The following CFAP299 variants were observed in gnomAD, a reference collection of about 807,000 sequenced individuals.
The protein encoded by CFAP299 is cilia- and flagella-associated protein 299.
In CFAP299, 21 loss-of-function variants were observed where a neutral mutation model predicts 27.0. The ratio of observed to expected loss-of-function variants is 0.78; its 90% confidence interval spans 0.55 to 1.12. The LOEUF is 1.12. CFAP299 is among the 50% of genes most tolerant of loss of function. The probability of loss-of-function intolerance (pLI) is 0.00; values close to 1 mark genes in which losing one functional copy is unlikely to be tolerated. For synonymous variants in CFAP299, 104 were observed against 98.1 expected (o/e 1.06, Z -0.36); for missense variants, 310 against 276.6 (o/e 1.12, Z -0.86).
chr4:80,593,029 G>A (rs1395769333), intron 3 of CFAP299, among the ~76,000 whole-genome samples: 1 of 152,122 alleles, frequency 6.6e-6, no homozygotes, highest in Non-Finnish European at 1.5e-5. Flanking sequence ...AGCTAAAAAC[G>A]GAACACAAGT....
chr4:80,515,753 A>G (rs1732552870), intron 2 of CFAP299, among the ~76,000 whole-genome samples: 1 of 152,176 alleles, frequency 6.6e-6, no homozygotes, highest in Non-Finnish European at 1.5e-5. Flanking sequence ...CTTAATGTAA[A>G]CCACTTATTT....
At chr4:80,578,966 C>G (rs1391910894) in intron 2 of CFAP299, among the ~76,000 whole-genome samples, 1 of 152,130 alleles carries the variant, frequency 6.6e-6, no homozygotes, top group Non-Finnish European at 1.5e-5. Flanking sequence ...ACAAGAGCAT[C>G]TTTTTCCAGA....
intron 3 of CFAP299, among the ~76,000 whole-genome samples, chr4:80,720,580 G>C (rs543892280): frequency 8.7e-4 from 132 of 151,940 alleles, no homozygotes; most frequent in African/African-American, 2.9e-3. Flanking sequence ...TTTATTAAAA[G>C]CAATTTTAAA....
At chr4:80,712,283 C>T (rs1301985704) in intron 3 of CFAP299, among the ~76,000 whole-genome samples, 1 of 152,110 alleles carries the variant, frequency 6.6e-6, no homozygotes, top group Non-Finnish European at 1.5e-5. Flanking sequence ...ACAATTGTAG[C>T]ATACTGAGAA....
In CFAP299 at chr4:80,361,507, G is replaced by T. The variant is rs111945192; in HGVS notation, c.112-1247G>T. Among the ~76,000 whole-genome samples the T allele has an allele frequency of 6.0e-3, 912 of 152,206 alleles. 8 individuals carry two copies. The highest frequency in any genetic ancestry group is 0.024 in the Middle Eastern group (7 of 294). On this transcript the variant is annotated intron_variant, in intron 1 of 5. Transcript: ENST00000358105. ...TTTCTATTAAAGATTAATTCCACTA[G>T]GTGGAGATATTTGCTCAGTTTTGTG... is the stretch of plus-strand genomic sequence containing the variant.
intron 3 of CFAP299, among the ~76,000 whole-genome samples, chr4:80,798,955 A>G (rs1440019820): frequency 1.3e-5 from 2 of 151,010 alleles, no homozygotes; most frequent in Non-Finnish European, 2.9e-5. Flanking sequence ...GGGTCTAATC[A>G]TATTAAGTAG....
At chr4:80,534,316 G>GAAA (rs769690513) in intron 2 of CFAP299, among the ~76,000 whole-genome samples, 1 of 109,266 alleles carries the variant, frequency 9.2e-6, no homozygotes. Context: ...TCACTCTGTG[G>GAAA]AAAAAAAAAA....
intron 1 of CFAP299, among the ~76,000 whole-genome samples, chr4:80,354,622 G>T (rs1206066108): frequency 2.0e-5 from 3 of 151,980 alleles, no homozygotes; most frequent in South Asian, 2.1e-4. Flanking sequence ...CTTCACCCAG[G>T]TATTAAACCT....
intron 3 of CFAP299, among the ~76,000 whole-genome samples, chr4:80,853,361 A>C (rs1731638201): frequency 6.6e-6 from 1 of 152,196 alleles, no homozygotes; most frequent in East Asian, 1.9e-4. Context: ...AGTAAAGCAT[A>C]AAGAAATAAG....
intron 2 of CFAP299, among the ~76,000 whole-genome samples, chr4:80,577,397 A>ATTTTTTTTTTTTTTTTTT (rs34922224): frequency 1.0e-5 from 1 of 98,824 alleles, no homozygotes; most frequent in Non-Finnish European, 1.8e-5. Flanking sequence ...ATTAGAAAAC[A>ATTTTTTTTTTTTTTTTTT]TTTTTTTTTT....
chr4:80,671,058 C>A (rs984811393), intron 3 of CFAP299, among the ~76,000 whole-genome samples: 39 of 152,274 alleles, frequency 2.6e-4, no homozygotes, highest in African/African-American at 9.4e-4. Context: ...TCATGAAGTC[C>A]TTGCCCATGC....
At chr4:80,444,397 TTGACAAACC>T (rs1728513281) in intron 2 of CFAP299, among the ~76,000 whole-genome samples, 1 of 152,270 alleles carries the variant, frequency 6.6e-6, no homozygotes, top group South Asian at 2.1e-4. Flanking sequence ...CATCTGATCT[TTGACAAACC>T]TGACAAAAAC....
chr4:80,509,045 A>C (rs1732167688), intron 2 of CFAP299, among the ~76,000 whole-genome samples: 2 of 152,132 alleles, frequency 1.3e-5, no homozygotes, highest in Non-Finnish European at 2.9e-5. Flanking sequence ...TCCTAGAGAT[A>C]ACTTCCTGAC....
chr4:80,337,757 A>G (rs973723711), intron 1 of CFAP299, among the ~76,000 whole-genome samples: 2 of 152,224 alleles, frequency 1.3e-5, no homozygotes, highest in Admixed American at 1.3e-4. Context: ...ATTTGGGGAA[A>G]TGACAAAGAA....
Position 80,478,359 on chromosome 4 carries a change from TG to T in CFAP299, c.243-104733del, listed in dbSNP as rs1262733242. ...ACAGACTTTTATTTTATAATTTTTTTGTTTGATAGCCTTTTATCATACTTAT... is the reference window on the plus strand; with the variant it reads ...ACAGACTTTTATTTTATAATTTTTTTTTTGATAGCCTTTTATCATACTTAT... On this transcript the variant is annotated intron_variant, in intron 2 of 5. Transcript: ENST00000358105. Among the ~76,000 whole-genome samples the T allele has an allele frequency of 1.0e-3, 158 of 152,294 alleles. 1 individual carries two copies. Among genetic ancestry groups the T allele is most frequent in the African/African-American group, 3.6e-3 (151 of 41,580 alleles).
At chr4:80,451,570 C>T (rs991135596) in intron 2 of CFAP299, among the ~76,000 whole-genome samples, 1 of 152,146 alleles carries the variant, frequency 6.6e-6, no homozygotes, top group Admixed American at 6.5e-5. Flanking sequence ...TTGTCTAGTA[C>T]ACAGTATGGT....
At chr4:80,632,031 C>A (rs1739240157) in intron 3 of CFAP299, among the ~76,000 whole-genome samples, 2 of 151,952 alleles carry the variant, frequency 1.3e-5, no homozygotes, top group African/African-American at 2.4e-5. Flanking sequence ...CCTCTCCCGA[C>A]CCTGAAGAAG....
chr4:80,593,436 A>G (rs1736884978), intron 3 of CFAP299, among the ~76,000 whole-genome samples: 1 of 152,208 alleles, frequency 6.6e-6, no homozygotes, highest in Admixed American at 6.5e-5. Context: ...AACTGTTGCA[A>G]TGATAATTAA....
Position 80,762,779 on chromosome 4 carries a change from T to C in CFAP299, c.334-107214T>C, listed in dbSNP as rs138375659. Among the ~76,000 whole-genome samples the C allele has an allele frequency of 5.0e-3, 767 of 152,204 alleles. 4 individuals carry two copies. Among genetic ancestry groups the C allele is most frequent in the Middle Eastern group, 0.02 (6 of 294 alleles). ...GTGTTGTGTCACCAAAGCCACACTA[T>C]TTTCCCAGGGCAGCCAGCATCCAAT... On this transcript the variant is annotated intron_variant, in intron 3 of 5. Coordinates refer to ENST00000358105, the MANE Select transcript of CFAP299 (RefSeq NM_152770.3).
Sources: allele counts gnomAD v4.1 joint callset (sites outside exome capture counted in the v4.1 genomes callset), GRCh38; gene constraint gnomAD v4.1.1; transcripts MANE v1.5; gene names NCBI Gene and HGNC (gene_info 2026-07-23, HGNC 2026-07-21).